SNX9: variants seen among roughly 807,000 people sequenced by gnomAD.
The protein encoded by SNX9 is sorting nexin 9, also known as sorting nexin-9.
SNX9 carries 44 observed loss-of-function variants against 89.4 expected under a neutral mutation model. That is an observed-to-expected ratio of 0.49 (90% CI 0.39 to 0.63). The LOEUF (loss-of-function observed/expected upper bound fraction) is 0.63. Ranked by LOEUF, SNX9 falls within the 30% of genes least tolerant of loss-of-function variation. The pLI is 0.00. For synonymous variants in SNX9, 236 were observed against 247.8 expected, an observed-to-expected ratio of 0.95 and a Z score of 0.45; for missense variants, 578 against 736.1, an observed-to-expected ratio of 0.79 and a Z score of 2.49.
intron 4 of SNX9, among the ~76,000 whole-genome samples, chr6:157,893,435 G>GT (rs975041310): frequency 3.3e-5 from 5 of 152,218 alleles, no homozygotes; most frequent in Admixed American, 2.0e-4. Context: ...CATGTAGTCT[G>GT]TTTTTGATGC....
At chr6:157,834,708 G>A (rs923019713) in intron 1 of SNX9, among the ~76,000 whole-genome samples, 1 of 152,046 alleles carries the variant, frequency 6.6e-6, no homozygotes, top group African/African-American at 2.4e-5. Flanking sequence ...GTGCCCATCT[G>A]AGCACGTGGG....
chr6:157,869,268 A>AT (rs1239005126), intron 2 of SNX9, among the ~76,000 whole-genome samples: 2 of 151,872 alleles, frequency 1.3e-5, no homozygotes, highest in African/African-American at 4.8e-5. Flanking sequence ...GCGGTCTCAG[A>AT]TTTTTGTATT....
intron 12 of SNX9, among the ~76,000 whole-genome samples, chr6:157,930,086 C>T (rs1471157745): frequency 6.6e-6 from 1 of 152,150 alleles, no homozygotes; most frequent in Non-Finnish European, 1.5e-5. Flanking sequence ...CTATCTGGCA[C>T]TTTGCAGAGG....
chr6:157,885,693 T>A (rs1345575547), intron 4 of SNX9, among the ~76,000 whole-genome samples: 2 of 152,132 alleles, frequency 1.3e-5, no homozygotes, highest in African/African-American at 4.8e-5. Flanking sequence ...AGTGAGGAGT[T>A]CCTTATGTGG....
intron 1 of SNX9, among the ~76,000 whole-genome samples, chr6:157,840,691 GA>G (rs1183300007): frequency 1.3e-5 from 2 of 152,142 alleles, no homozygotes; most frequent in East Asian, 3.8e-4. Context: ...ATCAGTAAGA[GA>G]GCTTCAGAAG....
chr6:157,932,177 T>C lies in SNX9; in HGVS notation c.1289-18T>C. 1.2e-6 allele frequency: 2 copies of C among 1,611,074 alleles called. No individual in the cohort carries two copies. The highest frequency in any genetic ancestry group is 1.3e-5 in the African/African-American group (1 of 75,022). ...GTTTGCTCAGAAGACTAATCGTTTA[T>C]TCCTTTTTGTCTTTCAGCATTACCC... On this transcript the variant is annotated intron_variant, in intron 12 of 17. Transcript: ENST00000392185.
chr6:157,893,630 G>GTGTGTA (rs1782910766), intron 4 of SNX9, among the ~76,000 whole-genome samples: 1 of 151,710 alleles, frequency 6.6e-6, no homozygotes, highest in Non-Finnish European at 1.5e-5. Context: ...GTGTGTGTGT[G>GTGTGTA]TGTATAAGAC....
Position 157,932,260 on chromosome 6 carries a change from A to G in SNX9, c.1354A>G (p.Ser452Gly). ...GAGTTTGGCCACAGTGTTCAGTTCCAGTGGCTATCAAGGTGCGTCTTTCTT... is the reference window on the plus strand; with the variant it reads ...GAGTTTGGCCACAGTGTTCAGTTCCGGTGGCTATCAAGGTGCGTCTTTCTT... ...LQSLATVFSS[S>G]GYQGETDLND... is the part of the protein sequence containing the mutation. Residue 452 changes from serine to glycine, a missense_variant, in exon 13 of 18, where the codon AGT becomes GGT. Ser to Gly is a moderately conservative substitution (Grantham distance 56). This residue lies in a region of SNX9 where 348 missense variants were observed against 491.4 expected (regional missense o/e 0.71). Transcript: ENST00000392185. The G allele has an allele frequency of 6.2e-7, 1 of 1,614,140 alleles. No homozygotes were observed. The highest frequency in any genetic ancestry group is 1.1e-5 in the South Asian group (1 of 91,084).
intron 1 of SNX9, among the ~76,000 whole-genome samples, chr6:157,830,946 C>G (rs1781467802): frequency 6.6e-6 from 1 of 152,172 alleles, no homozygotes; most frequent in Non-Finnish European, 1.5e-5. Context: ...GTTCACTATT[C>G]TTTCCTCAGT....
intron 1 of SNX9, 50 bp from the exon 2 acceptor site, chr6:157,867,497 C>T (rs1215453214): frequency 8.9e-6 from 13 of 1,466,664 alleles, no homozygotes; most frequent in Non-Finnish European, 1.2e-5. Flanking sequence ...TGTGTTTTTA[C>T]TACTCTGTTT....
intron 4 of SNX9, among the ~76,000 whole-genome samples, chr6:157,884,873 T>C (rs896217654): frequency 6.6e-6 from 1 of 152,216 alleles, no homozygotes; most frequent in African/African-American, 2.4e-5. Context: ...TCTTTTTTTT[T>C]AACCTTAAAA....
At chr6:157,880,427 A>G (rs1286657524) in intron 4 of SNX9, among the ~76,000 whole-genome samples, 1 of 151,928 alleles carries the variant, frequency 6.6e-6, no homozygotes, top group African/African-American at 2.4e-5. Context: ...TGTCTCTCTA[A>G]TCTTGAATTT....
chr6:157,902,129 T>C (rs1783112800), intron 6 of SNX9, 84 bp downstream of exon 6: 1 of 1,269,518 alleles, frequency 7.9e-7, no homozygotes, highest in African/African-American at 1.5e-5. Context: ...AAGAGGCAGC[T>C]GGCCTTTTCC....
chr6:157,880,707 T>C (rs549164405), intron 4 of SNX9, among the ~76,000 whole-genome samples: 24 of 152,332 alleles, frequency 1.6e-4, no homozygotes, highest in Admixed American at 5.2e-4. Context: ...AGGGAACTGA[T>C]TGAGATCCAT....
intron 1 of SNX9, among the ~76,000 whole-genome samples, chr6:157,831,451 C>G (rs1256478834): frequency 6.6e-6 from 1 of 152,212 alleles, no homozygotes; most frequent in Non-Finnish European, 1.5e-5. Context: ...TTCCTCATCC[C>G]CACTACTCTG....
chr6:157,872,381 T>C (rs1782430305), intron 2 of SNX9, among the ~76,000 whole-genome samples: 1 of 152,190 alleles, frequency 6.6e-6, no homozygotes, highest in African/African-American at 2.4e-5. Context: ...GTTCACTTTT[T>C]CTGCATAACA....
At chr6:157,868,729 CAA>C (rs1451519970) in intron 2 of SNX9, among the ~76,000 whole-genome samples, 1 of 152,118 alleles carries the variant, frequency 6.6e-6, no homozygotes, top group African/African-American at 2.4e-5. Flanking sequence ...AATAATGTAA[CAA>C]AAATTGTATC....
chr6:157,909,286 T>A (rs1783284916), intron 7 of SNX9, among the ~76,000 whole-genome samples: 1 of 152,246 alleles, frequency 6.6e-6, no homozygotes, highest in African/African-American at 2.4e-5. Context: ...AATGTTATAT[T>A]TCACCAAACT....
chr6:157,829,643 A>G (rs114841635), intron 1 of SNX9, among the ~76,000 whole-genome samples: 1,735 of 152,266 alleles, frequency 0.011, 36 homozygotes, highest in African/African-American at 0.04. Context: ...TACATTTACA[A>G]TTAGTATTAT....
Sources: allele counts gnomAD v4.1 joint callset (sites outside exome capture counted in the v4.1 genomes callset), GRCh38; gene constraint gnomAD v4.1.1; regional missense constraint gnomAD v4.1.1; transcripts MANE v1.5; gene names NCBI Gene and HGNC (gene_info 2026-07-23, HGNC 2026-07-21).